SH3RF3: variants seen among roughly 807,000 people sequenced by gnomAD.
The protein encoded by SH3RF3 is SH3 domain containing ring finger 3.
A neutral mutation model predicts 66.3 loss-of-function variants in SH3RF3; 29 were observed. That is an observed-to-expected ratio of 0.44 (90% CI 0.33 to 0.60). SH3RF3 has a LOEUF of 0.60. Ranked by LOEUF, SH3RF3 falls within the 20% of genes least tolerant of loss-of-function variation. SH3RF3 has a pLI of 0.04. For synonymous variants in SH3RF3, 583 were observed against 532.0 expected, an observed-to-expected ratio of 1.10 and a Z score of -1.32; for missense variants, 1,194 against 1,190.9, an observed-to-expected ratio of 1.00 and a Z score of -0.04.
At chr2:109,204,487 ATC>A (rs1273788534) in intron 1 of SH3RF3, among the ~76,000 whole-genome samples, 3 of 152,064 alleles carry the variant, frequency 2.0e-5, no homozygotes, top group African/African-American at 7.2e-5. Context: ...TGCCCCTCCA[ATC>A]TCCCTTATTC....
intron 1 of SH3RF3, among the ~76,000 whole-genome samples, chr2:109,305,192 G>A (rs1373789231): frequency 6.6e-6 from 1 of 152,176 alleles, no homozygotes; most frequent in Non-Finnish European, 1.5e-5. Flanking sequence ...TGCCAGGGTT[G>A]TGATGTTCTA....
chr2:109,305,919 G>T (rs1681584166), intron 1 of SH3RF3, among the ~76,000 whole-genome samples: 1 of 150,108 alleles, frequency 6.7e-6, no homozygotes. Flanking sequence ...CCTTTGGGCT[G>T]CTCCTCCAGC....
chr2:109,367,741 TAACA>T (rs1183855370), intron 2 of SH3RF3, among the ~76,000 whole-genome samples: 1 of 152,258 alleles, frequency 6.6e-6, no homozygotes, highest in African/African-American at 2.4e-5. Flanking sequence ...TTCTCTAGTT[TAACA>T]AACACTGTAA....
intron 1 of SH3RF3, among the ~76,000 whole-genome samples, chr2:109,170,355 C>CT (rs1677749216): frequency 6.8e-6 from 1 of 147,732 alleles, no homozygotes; most frequent in Non-Finnish European, 1.5e-5. Flanking sequence ...TCCTTTCTTT[C>CT]TTTCTTTTTT....
At chr2:109,301,187 G>A (rs374985099) in intron 1 of SH3RF3, among the ~76,000 whole-genome samples, 127 of 152,328 alleles carry the variant, frequency 8.3e-4, no homozygotes, top group African/African-American at 2.8e-3. Context: ...GAGGGGGATT[G>A]CCCTGGTTCC....
intron 1 of SH3RF3, among the ~76,000 whole-genome samples, chr2:109,145,857 G>A (rs764171023): frequency 2.0e-5 from 3 of 152,154 alleles, no homozygotes; most frequent in Non-Finnish European, 2.9e-5. Context: ...AAGGCAGGAC[G>A]GAGCCGCAGA....
intron 1 of SH3RF3, among the ~76,000 whole-genome samples, chr2:109,254,620 T>C (rs1680175531): frequency 6.6e-6 from 1 of 152,184 alleles, no homozygotes; most frequent in Admixed American, 6.5e-5. Flanking sequence ...CGTGAGAAGG[T>C]TGGTCAAATA....
At chr2:109,362,501 A>T (rs1683068283) in intron 2 of SH3RF3, among the ~76,000 whole-genome samples, 1 of 152,126 alleles carries the variant, frequency 6.6e-6, no homozygotes, top group South Asian at 2.1e-4. Context: ...TGTCCTGGTG[A>T]ATGTTCCCTG....
In SH3RF3 at chr2:109,276,598, G is replaced by A. The variant is rs117566594; in HGVS notation, c.574-71076G>A. Reference sequence around the variant, plus strand: ...CATTTGTATATTGTGAAACTAAATGGCATGCTTATTATTGTTTTGCCATGG... The same window carrying A: ...CATTTGTATATTGTGAAACTAAATGACATGCTTATTATTGTTTTGCCATGG... On this transcript the variant is annotated intron_variant, in intron 1 of 9. Transcript: ENST00000309415. Among the ~76,000 whole-genome samples the A allele has an allele frequency of 7.2e-5, 11 of 152,338 alleles. No individual in the cohort carries two copies. The East Asian group carries it at 2.1e-3, about 29-fold the overall frequency.
intron 9 of SH3RF3, among the ~76,000 whole-genome samples, chr2:109,494,433 T>C (rs564782445): frequency 2.3e-3 from 348 of 152,250 alleles, no homozygotes; most frequent in African/African-American, 7.0e-3. Context: ...CCTGGTATCC[T>C]GGGGAGCCCT....
chr2:109,315,493 G>A (rs1352066795), intron 1 of SH3RF3, among the ~76,000 whole-genome samples: 1 of 152,248 alleles, frequency 6.6e-6, no homozygotes, highest in Non-Finnish European at 1.5e-5. Flanking sequence ...GTAAGGAACT[G>A]TCTCAGTATG....
intron 8 of SH3RF3, among the ~76,000 whole-genome samples, chr2:109,482,224 C>A (rs1260411109): frequency 6.6e-6 from 1 of 152,096 alleles, no homozygotes; most frequent in African/African-American, 2.4e-5. Flanking sequence ...AATGTATGGG[C>A]AAGACTTAGG....
chr2:109,396,557 GTTTT>G (rs1249891071), intron 3 of SH3RF3, among the ~76,000 whole-genome samples: 1 of 152,200 alleles, frequency 6.6e-6, no homozygotes, highest in Non-Finnish European at 1.5e-5. Context: ...GGGCTTCTGG[GTTTT>G]TTGTTTTTGT....
intron 1 of SH3RF3, among the ~76,000 whole-genome samples, chr2:109,328,573 A>G (rs750354977): frequency 5.3e-5 from 8 of 152,228 alleles, no homozygotes; most frequent in Admixed American, 2.6e-4. Context: ...TCGACAGTGC[A>G]TTCAGAATCA....
intron 8 of SH3RF3, among the ~76,000 whole-genome samples, chr2:109,468,933 C>A (rs906043842): frequency 6.7e-6 from 1 of 148,998 alleles, no homozygotes; most frequent in Non-Finnish European, 1.5e-5. Flanking sequence ...GGCTTTGATA[C>A]TGGAACTGCC....
intron 1 of SH3RF3, among the ~76,000 whole-genome samples, chr2:109,249,492 T>G (rs1422366558): frequency 8.6e-5 from 2 of 23,342 alleles, no homozygotes; most frequent in Non-Finnish European, 1.3e-4. Flanking sequence ...TTTCTTTCTT[T>G]CTTTCTTTCT....
chr2:109,287,594 A>G (rs1006691346), intron 1 of SH3RF3, among the ~76,000 whole-genome samples: 1 of 152,084 alleles, frequency 6.6e-6, no homozygotes, highest in Non-Finnish European at 1.5e-5. Context: ...TCTGCACTAT[A>G]TACCCAGGCG....
At position 109,477,638 on chromosome 2, in the gene SH3RF3, GTGTGT is replaced by G. The variant is rs1351182054; in HGVS notation, c.2149-12964_2149-12960del. Among the ~76,000 whole-genome samples, 3 of 151,264 alleles carry G rather than the reference GTGTGT, an allele frequency of 2.0e-5. No individual in the cohort carries two copies. In the East Asian group the frequency reaches 5.8e-4, roughly 29 times the overall value. ...GGTGTGTGTGTGTGTGTGTGTGTGT[GTGTGT>G]TGGTGAGGGGTGTCAGCAACAGGAG... On this transcript the variant is annotated intron_variant, in intron 8 of 9. Coordinates refer to ENST00000309415, the MANE Select transcript of SH3RF3 (RefSeq NM_001099289.3).
chr2:109,361,744 A>T (rs1683054379), intron 2 of SH3RF3, among the ~76,000 whole-genome samples: 2 of 152,126 alleles, frequency 1.3e-5, no homozygotes, highest in South Asian at 4.1e-4. Flanking sequence ...CCAAAGTGTT[A>T]TTCAGTTTCT....
Sources: allele counts gnomAD v4.1 joint callset (sites outside exome capture counted in the v4.1 genomes callset), GRCh38; gene constraint gnomAD v4.1.1; transcripts MANE v1.5; gene names NCBI Gene and HGNC (gene_info 2026-07-23, HGNC 2026-07-21).